Variants in SORCS2 observed in about 807,000 individuals in gnomAD.
SORCS2 encodes the protein VPS10 domain-containing receptor SorCS2.
Under a neutral mutation model 141.6 loss-of-function variants are expected in SORCS2, and 100 were observed. The ratio of observed to expected loss-of-function variants is 0.71; its 90% CI spans 0.60 to 0.83. The LOEUF (loss-of-function observed/expected upper bound fraction) is 0.83, where lower values mean the gene tolerates loss of function less well. SORCS2 is among the 40% of genes least tolerant of loss of function. The pLI is 0.00. For missense variants in SORCS2, 1,646 were observed against 1,560.2 expected (o/e 1.05, Z -0.93); for synonymous variants, 789 against 676.9 (o/e 1.17, Z -2.57).
intron 1 of SORCS2, among the ~76,000 whole-genome samples, chr4:7,195,717 C>T (rs1435605747): frequency 2.6e-5 from 4 of 152,202 alleles, no homozygotes; most frequent in Non-Finnish European, 4.4e-5. Context: ...ATGTACTCTG[C>T]TCCCTCTAGT....
At chr4:7,396,156 G>A (rs1295230018) in intron 1 of SORCS2, 132 bp from the exon 2 acceptor site, 1 of 742,348 alleles carries the variant, frequency 1.3e-6, no homozygotes, top group Non-Finnish European at 2.3e-6. Flanking sequence ...CAGGGATACT[G>A]ACTAAGAGAG....
At chr4:7,563,189 C>T (rs978543307) in intron 3 of SORCS2, among the ~76,000 whole-genome samples, 1 of 152,130 alleles carries the variant, frequency 6.6e-6, no homozygotes, top group African/African-American at 2.4e-5. Flanking sequence ...GAAGGTCCCA[C>T]ACCAGGCATG....
chr4:7,715,987 C>T (rs1444404493), intron 17 of SORCS2, among the ~76,000 whole-genome samples: 2 of 152,242 alleles, frequency 1.3e-5, no homozygotes, highest in Non-Finnish European at 2.9e-5. Flanking sequence ...TGAATACAAG[C>T]TGTGCATGAG....
intron 3 of SORCS2, among the ~76,000 whole-genome samples, chr4:7,622,222 A>T (rs749089601): frequency 6.6e-6 from 1 of 152,138 alleles, no homozygotes; most frequent in Non-Finnish European, 1.5e-5. Flanking sequence ...AGCAAGAAGG[A>T]GGAGGGTGAC....
At chr4:7,618,551 C>A (rs1718917624) in intron 3 of SORCS2, among the ~76,000 whole-genome samples, 1 of 152,184 alleles carries the variant, frequency 6.6e-6, no homozygotes, top group South Asian at 2.1e-4. Flanking sequence ...GTTCTGCTCG[C>A]CCCTTCATGC....
chr4:7,627,416 G>GGAT (rs1560437220), intron 3 of SORCS2, among the ~76,000 whole-genome samples: 1 of 152,216 alleles, frequency 6.6e-6, no homozygotes, highest in East Asian at 1.9e-4. Flanking sequence ...CCTGGCATCA[G>GGAT]TCTGCTTGCC....
chr4:7,514,547 T>C (rs12501805), intron 2 of SORCS2, among the ~76,000 whole-genome samples: 44,511 of 151,544 alleles, frequency 0.29, 6,802 homozygotes, highest in South Asian at 0.41. Flanking sequence ...TATAGAGTCA[T>C]GGCAGGGCAG....
rs925423936 is a variant in SORCS2, at chr4:7,740,213, C to G, written c.3429C>G (p.Gly1143=). The change falls in exon 27 of 27, where the codon GGC becomes GGG. Residue 1143 remains glycine, a synonymous_variant. Coordinates refer to ENST00000507866, the MANE Select transcript of SORCS2 (RefSeq NM_020777.3). Reference sequence around the variant, plus strand: ...TCTGTTTCCTAGGCAACCACTCAGGCGTGGTCCTGAGCATCAACTCCCGAG... The same window carrying G: ...TCTGTTTCCTAGGCAACCACTCAGGGGTGGTCCTGAGCATCAACTCCCGAG... ...VQGAVQGNHS[G]VVLSINSREM... is the part of the protein sequence containing the mutation. 3 of 1,608,694 alleles carry G rather than the reference C, an allele frequency of 1.9e-6. No homozygotes were observed. Among genetic ancestry groups the G allele is most frequent in the Non-Finnish European group, 2.5e-6 (3 of 1,179,128 alleles).
intron 2 of SORCS2, among the ~76,000 whole-genome samples, chr4:7,479,740 G>T (rs1219660459): frequency 2.0e-5 from 3 of 152,250 alleles, no homozygotes. Flanking sequence ...CCCCAACTCT[G>T]CATGGTTCTA....
intron 1 of SORCS2, among the ~76,000 whole-genome samples, chr4:7,217,942 C>T (rs375742486): frequency 1.8e-4 from 27 of 152,284 alleles, no homozygotes; most frequent in African/African-American, 5.1e-4. Context: ...TCACAGTGCA[C>T]GGTCCCAGGC....
chr4:7,433,724 CTG>C, intron 2 of SORCS2: 1 of 1,613,256 alleles, frequency 6.2e-7, no homozygotes. Flanking sequence ...GCGTCCCACT[CTG>C]GGGACGGCAC....
intron 3 of SORCS2, among the ~76,000 whole-genome samples, chr4:7,623,096 C>T (rs557318974): frequency 6.6e-6 from 1 of 152,220 alleles, no homozygotes; most frequent in East Asian, 1.9e-4. Flanking sequence ...CATTACCCCC[C>T]CGACTGGCAG....
intron 2 of SORCS2, among the ~76,000 whole-genome samples, chr4:7,413,234 G>T (rs998809656): frequency 1.3e-5 from 2 of 152,000 alleles, no homozygotes; most frequent in Admixed American, 6.5e-5. Flanking sequence ...ACAATCCCCT[G>T]TGTTAACCCC....
At chr4:7,499,514 C>T (rs1284588129) in intron 2 of SORCS2, among the ~76,000 whole-genome samples, 1 of 152,022 alleles carries the variant, frequency 6.6e-6, no homozygotes, top group African/African-American at 2.4e-5. Flanking sequence ...GTGGGGCGGA[C>T]TGAAAAGGAT....
At chr4:7,200,553 A>G (rs578032936) in intron 1 of SORCS2, among the ~76,000 whole-genome samples, 13 of 152,182 alleles carry the variant, frequency 8.5e-5, no homozygotes, top group Admixed American at 8.5e-4. Context: ...TTGCTAATTT[A>G]TTTGTATTTT....
At chr4:7,392,527 A>AG (rs1577491521) in intron 1 of SORCS2, among the ~76,000 whole-genome samples, 1 of 152,236 alleles carries the variant, frequency 6.6e-6, no homozygotes, top group Non-Finnish European at 1.5e-5. Flanking sequence ...ACGGGGGTTT[A>AG]GGGGTGGGTG....
At chr4:7,736,226 G>T (rs1022964184) in intron 25 of SORCS2, among the ~76,000 whole-genome samples, 1 of 152,262 alleles carries the variant, frequency 6.6e-6, no homozygotes, top group African/African-American at 2.4e-5. Flanking sequence ...CCCGGCAGGG[G>T]CTTGGCCCTC....
chr4:7,510,312 G>A (rs1179443251), intron 2 of SORCS2, among the ~76,000 whole-genome samples: 1 of 152,192 alleles, frequency 6.6e-6, no homozygotes, highest in Non-Finnish European at 1.5e-5. Context: ...TTCGGGGTGA[G>A]CGCCCTGCCC....
At chr4:7,691,853 C>T (rs964843292) in intron 11 of SORCS2, among the ~76,000 whole-genome samples, 2 of 152,076 alleles carry the variant, frequency 1.3e-5, no homozygotes, top group African/African-American at 4.8e-5. Context: ...CTCAAAGGCC[C>T]TGAGAGCCCA....
Sources: allele counts gnomAD v4.1 joint callset (sites outside exome capture counted in the v4.1 genomes callset), GRCh38; gene constraint gnomAD v4.1.1; transcripts MANE v1.5; gene names NCBI Gene and HGNC (gene_info 2026-07-23, HGNC 2026-07-21).